BLTP3B: variants seen among roughly 807,000 people sequenced by gnomAD.
BLTP3B encodes UHRF1 (ICBP90) binding protein 1-like.
chr12:100,098,211 C>G, the BLTP3B span: 4 of 873,318 alleles, frequency 4.6e-6, no homozygotes, highest in East Asian at 8.2e-5. Context: ...GAGTGAGACC[C>G]TGTCTCCCCG....
At chr12:100,060,733 A>G in the BLTP3B span, among the ~76,000 whole-genome samples, 2 of 152,236 alleles carry the variant, frequency 1.3e-5, no homozygotes, top group Non-Finnish European at 2.9e-5. Context: ...TTCCTGAAAT[A>G]TACATATTTT....
chr12:100,064,497 A>G, the BLTP3B span, among the ~76,000 whole-genome samples: 1 of 152,200 alleles, frequency 6.6e-6, no homozygotes, highest in African/African-American at 2.4e-5. Context: ...CAGGTTATCT[A>G]AAGTTAAGAT....
chr12:100,121,667 C>T, the BLTP3B span, among the ~76,000 whole-genome samples: 1 of 151,948 alleles, frequency 6.6e-6, no homozygotes, highest in African/African-American at 2.4e-5. Context: ...CCTGTCTCTA[C>T]TAAAAGTACA....
the BLTP3B span, among the ~76,000 whole-genome samples, chr12:100,049,695 G>A: frequency 2.0e-5 from 3 of 152,058 alleles, no homozygotes; most frequent in East Asian, 5.8e-4. Flanking sequence ...AAAATAGAAG[G>A]TAAAAGAAAC....
the BLTP3B span, chr12:100,060,118 G>A: frequency 8.8e-7 from 1 of 1,136,524 alleles, no homozygotes; most frequent in Non-Finnish European, 1.2e-6. Context: ...AAAAATACAT[G>A]TTTAGTCAGT....
chr12:100,042,581 T>A, the BLTP3B span, among the ~76,000 whole-genome samples: 3 of 152,148 alleles, frequency 2.0e-5, no homozygotes, highest in Admixed American at 2.0e-4. Flanking sequence ...GAGAAAATCA[T>A]CATGACCTCA....
At chr12:100,124,837 G>A in the BLTP3B span, among the ~76,000 whole-genome samples, 2 of 149,310 alleles carry the variant, frequency 1.3e-5, no homozygotes, top group African/African-American at 4.9e-5. Flanking sequence ...CAGAAGGATC[G>A]TTTGATCCCA....
chr12:100,130,983 GA>G, the BLTP3B span, among the ~76,000 whole-genome samples: 330 of 8,794 alleles, frequency 0.038, 1 homozygote, highest in African/African-American at 0.066. Context: ...GAGAGGGAGG[GA>G]GAGAGAGAGA....
At chr12:100,037,223 GTAAA>G in the BLTP3B span, 2 of 962,006 alleles carry the variant, frequency 2.1e-6, no homozygotes, top group African/African-American at 1.8e-5. Flanking sequence ...TTGAATCTTT[GTAAA>G]TAATAGTAAA....
the BLTP3B span, among the ~76,000 whole-genome samples, chr12:100,071,438 A>C: frequency 4.1e-5 from 6 of 147,902 alleles, no homozygotes; most frequent in African/African-American, 1.5e-4. Context: ...CAGAGGTTCC[A>C]GTGAGCCAAG....
chr12:100,067,939 A>C, the BLTP3B span, among the ~76,000 whole-genome samples: 1 of 152,190 alleles, frequency 6.6e-6, no homozygotes, highest in East Asian at 1.9e-4. Flanking sequence ...GCAATTTACA[A>C]ATTCAATGCA....
the BLTP3B span, chr12:100,059,124 A>G: frequency 6.2e-7 from 1 of 1,614,162 alleles, no homozygotes; most frequent in Admixed American, 1.7e-5. Context: ...TGAGTCTACA[A>G]AACTTATTGG....
the BLTP3B span, among the ~76,000 whole-genome samples, chr12:100,067,945 A>G: frequency 1.3e-5 from 2 of 152,220 alleles, no homozygotes; most frequent in Admixed American, 1.3e-4. Context: ...TACAAATTCA[A>G]TGCAATTCCC....
the BLTP3B span, among the ~76,000 whole-genome samples, chr12:100,115,954 A>C: frequency 1.3e-5 from 2 of 152,104 alleles, no homozygotes; most frequent in Non-Finnish European, 2.9e-5. Flanking sequence ...GGATCACCTA[A>C]GGTCAGGAGT....
At chr12:100,046,098 A>C in the BLTP3B span, among the ~76,000 whole-genome samples, 1 of 152,198 alleles carries the variant, frequency 6.6e-6, no homozygotes, top group Non-Finnish European at 1.5e-5. Context: ...GAGGATGTGG[A>C]GAAATAGGAA....
the BLTP3B span, among the ~76,000 whole-genome samples, chr12:100,042,084 T>C: frequency 1.3e-5 from 2 of 152,120 alleles, no homozygotes; most frequent in Admixed American, 6.5e-5. Context: ...CTGAAAACTA[T>C]AAAACATCGT....
the BLTP3B span, among the ~76,000 whole-genome samples, chr12:100,134,299 C>T: frequency 2.6e-5 from 4 of 152,250 alleles, no homozygotes; most frequent in East Asian, 7.7e-4. Context: ...GAGAAGACAT[C>T]TCCAATTAAA....
the BLTP3B span, among the ~76,000 whole-genome samples, chr12:100,071,164 A>G: frequency 6.6e-6 from 1 of 152,096 alleles, no homozygotes; most frequent in South Asian, 2.1e-4. Flanking sequence ...AGCATGATGA[A>G]AAAGGTATCA....
chr12:100,133,787 C>A, the BLTP3B span, among the ~76,000 whole-genome samples: 1 of 152,188 alleles, frequency 6.6e-6, no homozygotes, highest in Admixed American at 6.5e-5. Context: ...AAGAGAAAGA[C>A]ACCTGCTATA....
Sources: allele counts gnomAD v4.1 joint callset (sites outside exome capture counted in the v4.1 genomes callset), GRCh38; gene constraint gnomAD v4.1.1; transcripts MANE v1.5; gene names NCBI Gene and HGNC (gene_info 2026-07-23, HGNC 2026-07-21).